ANKFN1: variants seen among roughly 807,000 people sequenced by gnomAD.
The protein encoded by ANKFN1 is ankyrin repeat and fibronectin type III domain containing 1, also known as ankyrin repeat and fibronectin type-III domain-containing protein 1.
ANKFN1 carries 74 observed loss-of-function variants against 108.7 expected under a neutral mutation model. That is an observed-to-expected ratio of 0.68 (90% CI 0.56 to 0.83). The LOEUF (loss-of-function observed/expected upper bound fraction) is 0.83. ANKFN1 is among the 40% of genes least tolerant of loss of function. The pLI is 0.00. For missense variants in ANKFN1, 1,505 were observed against 1,382.3 expected (o/e 1.09, Z -1.41); for synonymous variants, 547 against 516.2 (o/e 1.06, Z -0.81).
intron 3 of ANKFN1, among the ~76,000 whole-genome samples, chr17:56,261,493 G>A (rs902100069): frequency 2.0e-5 from 3 of 152,132 alleles, no homozygotes; most frequent in Non-Finnish European, 2.9e-5. Context: ...CAATCACAAG[G>A]TGAAGTCCCA....
At chr17:56,170,807 T>TATATATACACACAC (rs1361307404) in intron 1 of ANKFN1, among the ~76,000 whole-genome samples, 22 of 61,458 alleles carry the variant, frequency 3.6e-4, no homozygotes, top group African/African-American at 1.1e-3. Context: ...TATATATATA[T>TATATATACACACAC]ACACACACAC....
In ANKFN1 at chr17:56,157,530, C is replaced by T. The variant is rs868713761; in HGVS notation, c.-71+4000C>T. Among the ~76,000 whole-genome samples, 9 of 152,326 alleles carry T rather than the reference C, an allele frequency of 5.9e-5. No homozygotes were observed. In the Middle Eastern group the frequency reaches 0.014, roughly 230 times the overall value. On this transcript the variant is annotated intron_variant, in intron 1 of 20. Coordinates refer to ENST00000682825, the MANE Select transcript of ANKFN1 (RefSeq NM_001370326.1). ...CAAATGGATCTTCCTGGTGACTCCT[C>T]CTTCCTCTCTCGAGACTTTAGGAGT...
chr17:56,143,421 C>T (rs1355763748), intron 4 of ANKFN1, among the ~76,000 whole-genome samples: 1 of 152,168 alleles, frequency 6.6e-6, no homozygotes, highest in Non-Finnish European at 1.5e-5. Flanking sequence ...CAAAACTCCC[C>T]TTATGAGCCA....
At chr17:56,288,168 G>T (rs1162286293) in intron 3 of ANKFN1, among the ~76,000 whole-genome samples, 2 of 151,818 alleles carry the variant, frequency 1.3e-5, no homozygotes, top group Non-Finnish European at 2.9e-5. Flanking sequence ...AAATGAAAAA[G>T]ATATACAGAA....
At chr17:56,442,985 A>C (rs746610981) in intron 10 of ANKFN1, 52 bp downstream of exon 10, 1 of 1,573,896 alleles carries the variant, frequency 6.4e-7, no homozygotes, top group East Asian at 2.2e-5. Flanking sequence ...TCCAACTGCA[A>C]CTCCATCTTC....
At chr17:56,376,974 T>A (rs2046964065) in intron 8 of ANKFN1, among the ~76,000 whole-genome samples, 1 of 152,116 alleles carries the variant, frequency 6.6e-6, no homozygotes, top group Admixed American at 6.5e-5. Flanking sequence ...ATTATGAAAA[T>A]ATTAGTGTAA....
chr17:56,403,177 G>T (rs1337018104), intron 8 of ANKFN1, among the ~76,000 whole-genome samples: 1 of 152,122 alleles, frequency 6.6e-6, no homozygotes, highest in African/African-American at 2.4e-5. Context: ...TTCTGTGGTT[G>T]TTGGATGAAC....
chr17:56,334,621 A>G (rs991320234), intron 4 of ANKFN1, among the ~76,000 whole-genome samples: 3 of 152,112 alleles, frequency 2.0e-5, no homozygotes, highest in Non-Finnish European at 4.4e-5. Flanking sequence ...ACAATACATG[A>G]CTACTATTAA....
intron 4 of ANKFN1, among the ~76,000 whole-genome samples, chr17:56,102,082 C>T (rs988486239): frequency 3.1e-4 from 47 of 152,286 alleles, no homozygotes; most frequent in Admixed American, 1.3e-3. Context: ...CCACCTCCAA[C>T]GCTTGGGAAA....
chr17:56,250,659 C>T (rs1217819311), intron 3 of ANKFN1, among the ~76,000 whole-genome samples: 1 of 152,204 alleles, frequency 6.6e-6, no homozygotes, highest in Non-Finnish European at 1.5e-5. Flanking sequence ...AGTTAATTGC[C>T]TTGAGCAAGC....
intron 3 of ANKFN1, among the ~76,000 whole-genome samples, chr17:56,280,036 GTTTC>G (rs2044035023): frequency 7.3e-6 from 1 of 136,928 alleles, no homozygotes; most frequent in Non-Finnish European, 1.5e-5. Flanking sequence ...TCAAGACGGA[GTTTC>G]TTTTTGTTGC....
At chr17:56,480,434 A>ATTAGGCCTACTGTTCTGAGG (rs2050655472) in intron 16 of ANKFN1, among the ~76,000 whole-genome samples, 1 of 152,204 alleles carries the variant, frequency 6.6e-6, no homozygotes, top group African/African-American at 2.4e-5. Context: ...ATTCATACAA[A>ATTAGGCCTACTGTTCTGAGG]TTAGGCCTAC....
At chr17:56,216,219 C>T (rs1323051984) in intron 2 of ANKFN1, among the ~76,000 whole-genome samples, 1 of 152,184 alleles carries the variant, frequency 6.6e-6, no homozygotes, top group East Asian at 1.9e-4. Flanking sequence ...CATTGATCAG[C>T]TTTCATATTA....
At chr17:56,328,708 T>C (rs1434285051) in intron 4 of ANKFN1, among the ~76,000 whole-genome samples, 1 of 151,928 alleles carries the variant, frequency 6.6e-6, no homozygotes, top group Non-Finnish European at 1.5e-5. Flanking sequence ...CTTTTGAGAG[T>C]CACATTGTGG....
intron 4 of ANKFN1, among the ~76,000 whole-genome samples, chr17:56,118,560 G>A (rs892602886): frequency 2.6e-5 from 4 of 151,976 alleles, no homozygotes; most frequent in Non-Finnish European, 5.9e-5. Flanking sequence ...ATGATACATA[G>A]CATTTATTAA....
At chr17:56,222,695 AACTTGAAGAAAT>A (rs1319811569) in intron 2 of ANKFN1, among the ~76,000 whole-genome samples, 1 of 152,208 alleles carries the variant, frequency 6.6e-6, no homozygotes, top group African/African-American at 2.4e-5. Flanking sequence ...AGAGAAGAAA[AACTTGAAGAAAT>A]GGAAGTTATG....
At chr17:56,341,237 TATC>T (rs1325416962) in intron 4 of ANKFN1, among the ~76,000 whole-genome samples, 1 of 152,142 alleles carries the variant, frequency 6.6e-6, no homozygotes, top group Non-Finnish European at 1.5e-5. Flanking sequence ...TATAAGATCA[TATC>T]ATCTGCAAAC....
At chr17:56,196,787 T>A (rs975937582) in intron 1 of ANKFN1, among the ~76,000 whole-genome samples, 8 of 152,284 alleles carry the variant, frequency 5.3e-5, no homozygotes, top group African/African-American at 1.9e-4. Flanking sequence ...CCTGATGCTC[T>A]TTTTCATTTT....
At chr17:56,266,594 C>T (rs1384874229) in intron 3 of ANKFN1, among the ~76,000 whole-genome samples, 1 of 152,112 alleles carries the variant, frequency 6.6e-6, no homozygotes, top group Non-Finnish European at 1.5e-5. Context: ...GGCTACATGA[C>T]CTTAGTTTGC....
Sources: gnomAD v4.1 joint callset for allele counts (sites outside exome capture counted in the v4.1 genomes callset) on GRCh38, gnomAD v4.1.1 for gene constraint, MANE v1.5 for transcripts, NCBI Gene and HGNC (gene_info 2026-07-23, HGNC 2026-07-21) for gene names.